The following DOCK8 variants were observed in gnomAD, a reference collection of about 807,000 sequenced individuals.
DOCK8 encodes dedicator of cytokinesis 8.
Under a neutral mutation model 245.6 loss-of-function variants are expected in DOCK8, and 141 were observed. The ratio of observed to expected loss-of-function variants is 0.57; its 90% CI spans 0.50 to 0.66. The LOEUF is 0.66. DOCK8 is among the 30% of genes least tolerant of loss of function. DOCK8 has a pLI of 0.00. For missense variants in DOCK8, 2,965 were observed against 2,603.4 expected (o/e 1.14, Z -3.02); for synonymous variants, 1,168 against 970.2 (o/e 1.20, Z -3.79).
chr9:425,540 A>G (rs911706484), intron 33 of DOCK8, among the ~76,000 whole-genome samples: 4 of 133,226 alleles, frequency 3.0e-5, no homozygotes, highest in African/African-American at 1.4e-4. Context: ...CTCCGTCTCA[A>G]AAAAAAAAAA....
At chr9:451,729 C>G (rs2057443813) in intron 45 of DOCK8, among the ~76,000 whole-genome samples, 2 of 151,828 alleles carry the variant, frequency 1.3e-5, no homozygotes, top group Non-Finnish European at 1.5e-5. Context: ...CCTGAGATGT[C>G]CAAGACCTTC....
chr9:291,415 T>A (rs1159263771), intron 4 of DOCK8, among the ~76,000 whole-genome samples: 2 of 152,196 alleles, frequency 1.3e-5, no homozygotes, highest in Non-Finnish European at 2.9e-5. Context: ...GTCCTTTGAA[T>A]AGTGTTGGGT....
intron 29 of DOCK8, among the ~76,000 whole-genome samples, 169 bp downstream of exon 29, chr9:415,120 CA>C (rs373687394): frequency 3.5e-4 from 53 of 152,016 alleles, no homozygotes; most frequent in African/African-American, 1.2e-3. Flanking sequence ...GTTAAAAAAA[CA>C]AAAAAAGTCA....
chr9:333,027 A>G (rs1335389123), intron 10 of DOCK8, among the ~76,000 whole-genome samples: 4 of 152,134 alleles, frequency 2.6e-5, no homozygotes, highest in African/African-American at 9.7e-5. Context: ...GTCTGACTGC[A>G]TAACTTGATT....
intron 21 of DOCK8, chr9:381,375 G>C (rs2053715287): frequency 6.6e-6 from 1 of 152,060 alleles, no homozygotes; most frequent in Admixed American, 6.6e-5. Context: ...TATAATAAAG[G>C]AAATAATATA....
At chr9:400,060 T>G (rs58421766) in intron 26 of DOCK8, among the ~76,000 whole-genome samples, 1 of 31,488 alleles carries the variant, frequency 3.2e-5, no homozygotes, top group African/African-American at 1.8e-4. Flanking sequence ...CATCACCACC[T>G]CCTTCACCAT....
chr9:304,965 C>G (rs1586651733), intron 5 of DOCK8, among the ~76,000 whole-genome samples: 1 of 152,100 alleles, frequency 6.6e-6, no homozygotes, highest in African/African-American at 2.4e-5. Context: ...CACCTTGGGC[C>G]CATCCCTACG....
intron 3 of DOCK8, among the ~76,000 whole-genome samples, chr9:288,982 C>G (rs776343945): frequency 9.2e-5 from 14 of 152,174 alleles, no homozygotes; most frequent in African/African-American, 3.4e-4. Flanking sequence ...GAGTATTGCT[C>G]ATGGTGCATT....
chr9:382,475 C>A (rs1427108773), intron 21 of DOCK8, 38 bp from the exon 22 acceptor site: 1 of 1,612,278 alleles, frequency 6.2e-7, no homozygotes, highest in African/African-American at 1.3e-5. Context: ...AACTCTGTTC[C>A]CCTGTCTGTT....
upstream of DOCK8, chr9:213,553 T>C (rs1475322327): frequency 6.6e-6 from 1 of 152,196 alleles, no homozygotes; most frequent in Non-Finnish European, 1.5e-5. Flanking sequence ...TGAAAATCAT[T>C]AACAAGACAT....
chr9:227,253 T>C (rs375766539), intron 1 of DOCK8, among the ~76,000 whole-genome samples: 7 of 152,300 alleles, frequency 4.6e-5, no homozygotes, highest in African/African-American at 1.7e-4. Context: ...AATGAGAAAT[T>C]ATGAAAATTG....
intron 1 of DOCK8, among the ~76,000 whole-genome samples, chr9:249,113 T>C (rs2047585045): frequency 6.6e-6 from 1 of 152,182 alleles, no homozygotes; most frequent in African/African-American, 2.4e-5. Context: ...TGGGACTGCA[T>C]ATAGATGAAA....
chr9:407,608 A>G (rs7024706), intron 28 of DOCK8, among the ~76,000 whole-genome samples: 20,436 of 147,188 alleles, frequency 0.14, 1,434 homozygotes, highest in Admixed American at 0.17. Flanking sequence ...ATGTGGCAGT[A>G]TCTAGCCTAG....
chr9:234,893 A>T (rs1281489185), intron 1 of DOCK8, among the ~76,000 whole-genome samples: 1 of 152,020 alleles, frequency 6.6e-6, no homozygotes, highest in East Asian at 1.9e-4. Flanking sequence ...TTCTTCTCTC[A>T]ACTCATCAAA....
In DOCK8 at chr9:445,564, A is replaced by G. The variant is rs372833178; in HGVS notation, c.5581-806A>G. On this transcript the variant is annotated intron_variant, in intron 43 of 47. Transcript: ENST00000432829. ...TGAGTTTTGACAAACACATGTGACTACCTTCATAACCAAGATATAGAACAG... is the reference window on the plus strand; with the variant it reads ...TGAGTTTTGACAAACACATGTGACTGCCTTCATAACCAAGATATAGAACAG... Among the ~76,000 whole-genome samples the G allele has an allele frequency of 8.5e-5, 13 of 152,368 alleles. No individual in the cohort carries two copies. The East Asian group carries it at 1.9e-3, about 23-fold the overall frequency.
intron 14 of DOCK8, among the ~76,000 whole-genome samples, chr9:354,067 C>T (rs565291732): frequency 1.3e-5 from 2 of 152,302 alleles, no homozygotes; most frequent in East Asian, 3.9e-4. Flanking sequence ...CACGGTGGCT[C>T]ACGCCTGTAA....
chr9:443,005 C>G (rs999930410), intron 42 of DOCK8, among the ~76,000 whole-genome samples: 7 of 152,152 alleles, frequency 4.6e-5, no homozygotes, highest in African/African-American at 1.7e-4. Context: ...AGCAATTGAC[C>G]CCAGTCCACT....
intron 4 of DOCK8, among the ~76,000 whole-genome samples, chr9:302,854 C>T (rs2130566197): frequency 1.3e-5 from 2 of 151,968 alleles, no homozygotes; most frequent in East Asian, 3.9e-4. Context: ...ATAGACTGGG[C>T]ATGTGGCTTA....
intron 5 of DOCK8, among the ~76,000 whole-genome samples, chr9:307,113 G>T (rs1291850019): frequency 1.3e-5 from 2 of 152,050 alleles, no homozygotes; most frequent in Non-Finnish European, 2.9e-5. Context: ...TGACCTCCTT[G>T]AACCATCCGG....
Sources: gnomAD v4.1 joint callset for allele counts (sites outside exome capture counted in the v4.1 genomes callset) on GRCh38, gnomAD v4.1.1 for gene constraint, MANE v1.5 for transcripts, NCBI Gene and HGNC (gene_info 2026-07-23, HGNC 2026-07-21) for gene names.